FREM3: variants seen among roughly 807,000 people sequenced by gnomAD.
FREM3 encodes the protein FRAS1 related extracellular matrix 3.
Under a neutral mutation model 129.1 loss-of-function variants are expected in FREM3, and 105 were observed. That is an observed-to-expected ratio of 0.81 (90% CI 0.69 to 0.96). FREM3 has a LOEUF of 0.96. Ranked by LOEUF, FREM3 falls within the 40% of genes least tolerant of loss-of-function variation. The pLI is 0.00. For synonymous variants in FREM3, 1,014 were observed against 1,044.9 expected (o/e 0.97, Z 0.57); for missense variants, 2,593 against 2,666.3 (o/e 0.97, Z 0.61).
chr4:143,633,122 C>G (rs1417969309), intron 2 of FREM3, among the ~76,000 whole-genome samples: 1 of 152,064 alleles, frequency 6.6e-6, no homozygotes, highest in Non-Finnish European at 1.5e-5. Flanking sequence ...TTTTCATGGG[C>G]ATTGGTAGCA....
Position 143,698,694 on chromosome 4 carries a change from C to A in FREM3, c.1982G>T (p.Gly661Val). 1 of 1,537,466 alleles carries A rather than the reference C, an allele frequency of 6.5e-7. No individual in the cohort carries two copies. The highest frequency in any genetic ancestry group is 8.7e-7 in the Non-Finnish European group (1 of 1,146,988). ...MEGRLFYRHL[G>V]PHSPQSVMVQ... is the part of the protein sequence containing the mutation. ...CATTACAGATTGAGGGCTGTGTGGT[C>A]CAAGATGGCGGTAGAAGAGTCTCCC... is the stretch of plus-strand genomic sequence containing the variant. The change falls in exon 1 of 8, where the codon GGA becomes GTA. Residue 661 changes from glycine (G) to valine (V), a missense_variant. Coordinates refer to ENST00000329798, the MANE Select transcript of FREM3 (RefSeq NM_001168235.2).
Position 143,695,791 on chromosome 4 carries a change from G to C in FREM3, c.4885C>G (p.His1629Asp), listed in dbSNP as rs1740554985. The change falls in exon 1 of 8, where the codon CAC (histidine) becomes GAC (aspartate). Residue 1629 changes from histidine (H) to aspartate (D), a missense_variant. By Grantham distance (81) the His-to-Asp change is moderately conservative. Around this residue, in one of 2 missense-constraint regions of FREM3, gnomAD observed 2,276 missense variants for 2,267.2 expected, o/e 1.00. Transcript: ENST00000329798. The stretch of plus-strand genomic sequence containing the variant: ...TCTGGTAGGACATAGAAATCAGTGT[G>C]AGTGCCGTCTGTCACAGTCAAGGAG... Reference protein sequence around the residue: ...SFSLTVTDGTHTDFYVLPDTA... With the variant: ...SFSLTVTDGTDTDFYVLPDTA... 6.5e-7 allele frequency: 1 copy of C among 1,537,170 alleles called. No homozygotes were observed.
rs950693059 is a variant in FREM3, at chr4:143,700,229, A to G, written c.447T>C (p.Thr149=). 2 of 1,536,896 alleles carry G rather than the reference A, an allele frequency of 1.3e-6. No individual in the cohort carries two copies. Among genetic ancestry groups the G allele is most frequent in the Non-Finnish European group, 1.7e-6 (2 of 1,146,888 alleles). The part of the protein sequence containing the change: ...VLLQLRYDAP[T]HTLVLPFTLA... ...GCGTGAAGGGCAGCACCAGAGTGTG[A>G]GTCGGGGCGTCGTAGCGCAGCTGCA... The change falls in exon 1 of 8, where the codon ACT becomes ACC. Residue 149 remains threonine (T), a synonymous_variant. Transcript: ENST00000329798.
chr4:143,621,531 A>G (rs1275756890), intron 4 of FREM3, among the ~76,000 whole-genome samples: 1 of 152,252 alleles, frequency 6.6e-6, no homozygotes, highest in African/African-American at 2.4e-5. Context: ...ATATTTTAAC[A>G]ATCAAGTAAT....
At chr4:143,657,934 G>A (rs552773328) in intron 2 of FREM3, among the ~76,000 whole-genome samples, 4 of 151,972 alleles carry the variant, frequency 2.6e-5, no homozygotes, top group East Asian at 3.9e-4. Context: ...TTACCTCCTC[G>A]AGTTCAATAA....
At chr4:143,645,817 C>G (rs1400138641) in intron 2 of FREM3, among the ~76,000 whole-genome samples, 2 of 152,218 alleles carry the variant, frequency 1.3e-5, no homozygotes, top group South Asian at 2.1e-4. Flanking sequence ...AGTATAGCTA[C>G]TATGATATTC....
rs1238971300 is a variant in FREM3, at chr4:143,696,935, T to G, written c.3741A>C (p.Thr1247=). Reference sequence around the variant, plus strand: ...TGAAGCTGTGGATGGGCTGGCTGCCTGTAGCCAGCTGCTGTATGATTCGTC... The same window carrying G: ...TGAAGCTGTGGATGGGCTGGCTGCCGGTAGCCAGCTGCTGTATGATTCGTC... ...RHGRIIQQLA[T]GSQPIHSFTL... is the part of the protein sequence containing the mutation. Residue 1247 remains threonine (T), a synonymous_variant, in exon 1 of 8, where the codon ACA becomes ACC. Transcript: ENST00000329798. The G allele has an allele frequency of 1.3e-6, 2 of 1,537,442 alleles. No homozygotes were observed. Among genetic ancestry groups the G allele is most frequent in the African/African-American group, 1.4e-5 (1 of 73,026 alleles).
intron 2 of FREM3, among the ~76,000 whole-genome samples, chr4:143,663,412 C>A (rs1355867441): frequency 6.6e-6 from 1 of 152,080 alleles, no homozygotes; most frequent in African/African-American, 2.4e-5. Context: ...AATATTGGCC[C>A]CCACTCTCTT....
At position 143,699,037 on chromosome 4, in the gene FREM3, T is replaced by C; in HGVS notation, c.1639A>G (p.Asn547Asp). Reference sequence around the variant, plus strand: ...GTGAGTGAGAGTCCTGTGTTAGTATTGACCATTGGTGGTTCATCATCCACA... The same window carrying C: ...GTGAGTGAGAGTCCTGTGTTAGTATCGACCATTGGTGGTTCATCATCCACA... Reference protein sequence around the residue: ...LPVDDEPPMVNTNTGLSLTEG... With the variant: ...LPVDDEPPMVDTNTGLSLTEG... Residue 547 changes from asparagine (N) to aspartate (D), a missense_variant, in exon 1 of 8, where the codon AAT (asparagine) becomes GAT (aspartate). Asn to Asp is a conservative substitution (Grantham distance 23, BLOSUM62 1). Transcript: ENST00000329798. The surrounding 1 kb of genome is among the most constrained non-coding windows in gnomAD (Gnocchi z 4.2). 6.5e-7 allele frequency: 1 copy of C among 1,537,368 alleles called. No individual in the cohort carries two copies. The highest frequency in any genetic ancestry group is 8.7e-7 in the Non-Finnish European group (1 of 1,146,902).
intron 2 of FREM3, among the ~76,000 whole-genome samples, chr4:143,692,521 G>C (rs766059085): frequency 2.6e-5 from 4 of 152,114 alleles, no homozygotes; most frequent in Non-Finnish European, 5.9e-5. Context: ...TGAATCCCTA[G>C]GTGTGTAAAG....
chr4:143,628,438 G>T (rs1403935546), intron 2 of FREM3, among the ~76,000 whole-genome samples: 3 of 152,074 alleles, frequency 2.0e-5, no homozygotes, highest in African/African-American at 7.2e-5. Context: ...GCAAGAGAAG[G>T]TCTCCCTAAT....
chr4:143,600,926 T>C (rs1738560747), intron 6 of FREM3, among the ~76,000 whole-genome samples: 2 of 151,962 alleles, frequency 1.3e-5, no homozygotes, highest in Non-Finnish European at 2.9e-5. Context: ...GTCACTTCAT[T>C]CTGGGAATGC....
At chr4:143,679,779 A>C (rs559189307) in intron 2 of FREM3, among the ~76,000 whole-genome samples, 5 of 152,280 alleles carry the variant, frequency 3.3e-5, no homozygotes, top group African/African-American at 9.6e-5. Context: ...AGGGCGAACA[A>C]TTCATTTTTG....
intron 2 of FREM3, among the ~76,000 whole-genome samples, chr4:143,649,816 C>A (rs1413661422): frequency 6.6e-6 from 1 of 152,112 alleles, no homozygotes; most frequent in Non-Finnish European, 1.5e-5. Context: ...GGTCTGTTTA[C>A]ACACTGGTTA....
intron 6 of FREM3, among the ~76,000 whole-genome samples, chr4:143,609,098 T>A (rs1436626753): frequency 2.0e-5 from 3 of 152,124 alleles, no homozygotes; most frequent in Admixed American, 6.5e-5. Flanking sequence ...ATTTCAAGAT[T>A]GGGAAACAGA....
chr4:143,612,406 T>C (rs1032421453), intron 5 of FREM3, among the ~76,000 whole-genome samples: 3 of 152,262 alleles, frequency 2.0e-5, no homozygotes, highest in African/African-American at 7.2e-5. Flanking sequence ...TGTTTTCCCT[T>C]TTATTGCTGA....
chr4:143,652,551 T>C (rs867473405), intron 2 of FREM3, among the ~76,000 whole-genome samples: 5 of 152,220 alleles, frequency 3.3e-5, no homozygotes, highest in Admixed American at 6.5e-5. Context: ...TGAAATGAAA[T>C]ATAGAAAAAA....
At chr4:143,643,753 G>A (rs1003140122) in intron 2 of FREM3, among the ~76,000 whole-genome samples, 3 of 152,100 alleles carry the variant, frequency 2.0e-5, no homozygotes, top group African/African-American at 7.2e-5. Context: ...CTGTTGCACA[G>A]TAGGGTGACT....
At chr4:143,624,387 C>T (rs942060491) in intron 3 of FREM3, 49 bp from the exon 4 acceptor site, 3 of 1,136,674 alleles carry the variant, frequency 2.6e-6, no homozygotes, top group Non-Finnish European at 3.8e-6. Flanking sequence ...TGACTGAAGG[C>T]ATAGTCTCCT....
Sources: gnomAD v4.1 joint callset for allele counts (sites outside exome capture counted in the v4.1 genomes callset) on GRCh38, gnomAD v4.1.1 for gene constraint, gnomAD v4.1.1 regional missense constraint, Gnocchi (gnomAD v3.1) non-coding constraint, MANE v1.5 for transcripts, NCBI Gene and HGNC (gene_info 2026-07-23, HGNC 2026-07-21) for gene names.